The following NCOA1 variants were observed in gnomAD, a reference collection of about 807,000 sequenced individuals.
NCOA1 encodes nuclear receptor coactivator 1.
Under a neutral mutation model 150.9 loss-of-function variants are expected in NCOA1, and 35 were observed. That is an observed-to-expected ratio of 0.23 (90% CI 0.18 to 0.31). The LOEUF is 0.31. Among genes scored for constraint, NCOA1 ranks in the 10% least tolerant of loss-of-function variants. NCOA1 has a pLI of 1.00. For missense variants in NCOA1, 1,491 were observed against 1,749.3 expected, an observed-to-expected ratio of 0.85 and a Z score of 2.63; for synonymous variants, 590 against 630.0, an observed-to-expected ratio of 0.94 and a Z score of 0.95.
chr2:24,697,838 C>G (rs757471134), intron 11 of NCOA1, 40 bp downstream of exon 11: 2 of 1,565,900 alleles, frequency 1.3e-6, no homozygotes, highest in East Asian at 4.5e-5. Flanking sequence ...TAACCCTTAT[C>G]TTTACTGATA....
chr2:24,587,015 G>T (rs1667441872), intron 3 of NCOA1, among the ~76,000 whole-genome samples: 5 of 151,800 alleles, frequency 3.3e-5, no homozygotes, highest in Admixed American at 2.6e-4. Flanking sequence ...AGGACAGAAG[G>T]ACAGGTTTCT....
chr2:24,556,920 A>G (rs1040639396), intron 1 of NCOA1, among the ~76,000 whole-genome samples: 6 of 151,784 alleles, frequency 4.0e-5, no homozygotes, highest in Non-Finnish European at 5.9e-5. Flanking sequence ...ACTCTTAGCT[A>G]CTTATTTACC....
In NCOA1 at chr2:24,728,413, T is replaced by C. The variant is rs200338256; in HGVS notation, c.2823T>C (p.Ser941=). 6.2e-7 allele frequency: 1 copy of C among 1,613,942 alleles called. No homozygotes were observed. The highest frequency in any genetic ancestry group is 1.7e-5 in the Admixed American group (1 of 60,014). ...TTGAACAGCTGGTATCCTTCCTTAGTGGCAAAGATGAAACTGAGCTAGCTG... is the reference window on the plus strand; with the variant it reads ...TTGAACAGCTGGTATCCTTCCTTAGCGGCAAAGATGAAACTGAGCTAGCTG... ...ALLEQLVSFL[S]GKDETELAEL... is the part of the protein sequence containing the mutation. The change falls in exon 16 of 23, where the codon AGT becomes AGC. Residue 941 remains serine, a synonymous_variant. Coordinates refer to ENST00000348332, the MANE Select transcript of NCOA1 (RefSeq NM_003743.5).
intron 3 of NCOA1, among the ~76,000 whole-genome samples, chr2:24,632,949 T>C (rs1011984340): frequency 1.3e-5 from 2 of 152,190 alleles, no homozygotes; most frequent in African/African-American, 4.8e-5. Context: ...ATCAACTTTG[T>C]GTACCCAAAC....
chr2:24,699,613 T>A (rs1481520713), intron 11 of NCOA1, among the ~76,000 whole-genome samples: 1 of 152,174 alleles, frequency 6.6e-6, no homozygotes, highest in East Asian at 1.9e-4. Context: ...TAGAATCAAG[T>A]TGTCCAAAGT....
intron 2 of NCOA1, among the ~76,000 whole-genome samples, chr2:24,568,061 A>T (rs2148272281): frequency 6.6e-6 from 1 of 152,228 alleles, no homozygotes; most frequent in Admixed American, 6.5e-5. Context: ...AATTTCTTAT[A>T]TCTCCTCACT....
At chr2:24,728,500 T>C (rs747907232) in intron 16 of NCOA1, 24 bp downstream of exon 16, 2 of 1,596,206 alleles carry the variant, frequency 1.3e-6, no homozygotes, top group African/African-American at 2.7e-5. Flanking sequence ...TCAACATTAT[T>C]TAACTGATGG....
At chr2:24,563,634 C>T (rs56155411) in intron 1 of NCOA1, among the ~76,000 whole-genome samples, 1,749 of 152,188 alleles carry the variant, frequency 0.011, 48 homozygotes, top group African/African-American at 0.04. Flanking sequence ...TCTCCTACCT[C>T]AGCCTCCCGA....
intron 1 of NCOA1, among the ~76,000 whole-genome samples, chr2:24,530,516 G>A (rs1247160583): frequency 6.6e-6 from 1 of 152,044 alleles, no homozygotes; most frequent in Non-Finnish European, 1.5e-5. Context: ...TTTCTGCCGA[G>A]GACAAGTATT....
intron 2 of NCOA1, among the ~76,000 whole-genome samples, chr2:24,568,806 T>G (rs969502722): frequency 6.6e-6 from 1 of 152,246 alleles, no homozygotes; most frequent in African/African-American, 2.4e-5. Flanking sequence ...ATTACTGTCA[T>G]GTACCCATGC....
At chr2:24,729,032 A>G (rs1448727436) in intron 16 of NCOA1, among the ~76,000 whole-genome samples, 1 of 152,270 alleles carries the variant, frequency 6.6e-6, no homozygotes, top group Non-Finnish European at 1.5e-5. Context: ...TATATTTCTT[A>G]CAGTGGGTAA....
At chr2:24,581,081 A>G (rs1261708388) in intron 2 of NCOA1, among the ~76,000 whole-genome samples, 1 of 152,082 alleles carries the variant, frequency 6.6e-6, no homozygotes, top group East Asian at 1.9e-4. Context: ...TCTTGCCCAC[A>G]TTGATTTCTC....
chr2:24,661,091 A>T (rs1049133975), intron 5 of NCOA1, among the ~76,000 whole-genome samples: 5 of 152,030 alleles, frequency 3.3e-5, no homozygotes, highest in Non-Finnish European at 7.4e-5. Context: ...TTTAATATCT[A>T]GGTAAATTTT....
chr2:24,736,590 G>T (rs535649501), intron 17 of NCOA1, among the ~76,000 whole-genome samples: 29 of 152,278 alleles, frequency 1.9e-4, no homozygotes, highest in African/African-American at 7.0e-4. Context: ...CAGGTTTCTG[G>T]CAATGAAAAA....
chr2:24,529,250 A>G (rs1009970633), intron 1 of NCOA1, among the ~76,000 whole-genome samples: 3 of 152,220 alleles, frequency 2.0e-5, no homozygotes, highest in Non-Finnish European at 4.4e-5. Context: ...GTAACCTGGG[A>G]CTGAGCACTG....
At chr2:24,717,954 T>C (rs1003257002) in intron 14 of NCOA1, among the ~76,000 whole-genome samples, 2 of 147,978 alleles carry the variant, frequency 1.4e-5, no homozygotes, top group Non-Finnish European at 3.0e-5. Context: ...TGGAGTGCAA[T>C]GGCATGATTG....
rs530645429 is a variant in NCOA1 at position 24,634,708 on chromosome 2, A to ACC, written c.-174-9245_-174-9244dup. Among the ~76,000 whole-genome samples the ACC allele has an allele frequency of 8.9e-3, 355 of 39,710 alleles. 3 individuals are homozygous for ACC. The highest frequency in any genetic ancestry group is 0.038 in the Middle Eastern group (2 of 52). The allele number at this position is 39,710 out of a possible 152,430, so 26.1% of individuals were successfully genotyped here. A position where few individuals can be genotyped will look rare whatever the true frequency, so the allele number is the denominator to read the frequency against. Reference sequence around the variant, plus strand: ...CCTACCCTGGATTCCTAGGGGAGGAACCCCCCCCCCCCCCGCCCCCGGAGA... The same window carrying ACC: ...CCTACCCTGGATTCCTAGGGGAGGAACCCCCCCCCCCCCCCCGCCCCCGGAGA... On this transcript the variant is annotated intron_variant, in intron 3 of 22. Transcript: ENST00000348332.
chr2:24,633,150 A>G (rs763407253), intron 3 of NCOA1, among the ~76,000 whole-genome samples: 49 of 152,142 alleles, frequency 3.2e-4, no homozygotes, highest in Non-Finnish European at 5.6e-4. Flanking sequence ...ATGCATACAC[A>G]CACACATATA....
At chr2:24,666,619 C>T (rs1044208951) in intron 6 of NCOA1, among the ~76,000 whole-genome samples, 3 of 145,020 alleles carry the variant, frequency 2.1e-5, no homozygotes, top group African/African-American at 7.4e-5. Context: ...TACCTGGGCT[C>T]TTCTCTGAAA....
Sources: gnomAD v4.1 joint callset for allele counts (sites outside exome capture counted in the v4.1 genomes callset) on GRCh38, gnomAD v4.1.1 for gene constraint, MANE v1.5 for transcripts, NCBI Gene and HGNC (gene_info 2026-07-23, HGNC 2026-07-21) for gene names.